Variants in PTPRO observed in about 807,000 individuals in gnomAD.
The protein encoded by PTPRO is receptor-type tyrosine-protein phosphatase O.
Under a neutral mutation model 145.2 loss-of-function variants are expected in PTPRO, and 62 were observed. That is an observed-to-expected ratio of 0.43 (90% CI 0.35 to 0.53). The LOEUF is 0.53. Ranked by LOEUF, PTPRO falls within the 20% of genes least tolerant of loss-of-function variation. The probability of loss-of-function intolerance (pLI) is 0.01; values close to 1 mark genes in which losing one functional copy is unlikely to be tolerated. For synonymous variants in PTPRO, 565 were observed against 514.7 expected (o/e 1.10, Z -1.32); for missense variants, 1,345 against 1,482.7 (o/e 0.91, Z 1.53).
chr12:15,485,432 G>A (rs988312463), intron 2 of PTPRO, among the ~76,000 whole-genome samples: 1 of 152,014 alleles, frequency 6.6e-6, no homozygotes, highest in African/African-American at 2.4e-5. Context: ...GGCACATAAC[G>A]CCTACAATAC....
At chr12:15,564,258 T>C (rs1037136860) in intron 17 of PTPRO, among the ~76,000 whole-genome samples, 1 of 152,226 alleles carries the variant, frequency 6.6e-6, no homozygotes, top group Admixed American at 6.5e-5. Context: ...TTCGTGGACG[T>C]GTTCCTACAT....
intron 1 of PTPRO, among the ~76,000 whole-genome samples, chr12:15,415,069 A>G (rs1225327446): frequency 6.6e-6 from 1 of 152,210 alleles, no homozygotes; most frequent in Non-Finnish European, 1.5e-5. Context: ...GAAATGGGAA[A>G]GAGCTGGCAT....
intron 6 of PTPRO, among the ~76,000 whole-genome samples, chr12:15,505,165 G>A (rs1942296942): frequency 6.6e-6 from 1 of 152,190 alleles, no homozygotes; most frequent in African/African-American, 2.4e-5. Context: ...CACCGCACAT[G>A]TGAACAGCCT....
At chr12:15,457,359 T>A (rs7315300) in intron 1 of PTPRO, among the ~76,000 whole-genome samples, 42,839 of 152,160 alleles carry the variant, frequency 0.28, 6,553 homozygotes, top group South Asian at 0.43. Context: ...CATATATTCA[T>A]GTATCCTATT....
intron 1 of PTPRO, among the ~76,000 whole-genome samples, chr12:15,449,989 C>T (rs1396490074): frequency 6.6e-6 from 1 of 152,180 alleles, no homozygotes; most frequent in Non-Finnish European, 1.5e-5. Flanking sequence ...AGGATCACTT[C>T]CTGTGTGAAA....
chr12:15,466,495 T>G (rs973507395), intron 1 of PTPRO, among the ~76,000 whole-genome samples: 1 of 152,258 alleles, frequency 6.6e-6, no homozygotes, highest in Non-Finnish European at 1.5e-5. Flanking sequence ...GGATTTCTTA[T>G]GTTATTCAGA....
intron 1 of PTPRO, among the ~76,000 whole-genome samples, chr12:15,425,923 T>C (rs1940273478): frequency 1.3e-5 from 2 of 152,102 alleles, no homozygotes; most frequent in South Asian, 4.1e-4. Flanking sequence ...TATATACAAT[T>C]AGTGTCTTAC....
chr12:15,508,151 G>A (rs1173342619), intron 6 of PTPRO, among the ~76,000 whole-genome samples: 2 of 152,152 alleles, frequency 1.3e-5, no homozygotes, highest in African/African-American at 2.4e-5. Context: ...GTTTGCACAG[G>A]GTAGTAGTCG....
chr12:15,432,309 C>A (rs528359861), intron 1 of PTPRO, among the ~76,000 whole-genome samples: 2 of 152,178 alleles, frequency 1.3e-5, no homozygotes, highest in Non-Finnish European at 2.9e-5. Flanking sequence ...CAGCTCCATG[C>A]ATGTCCCTGC....
intron 1 of PTPRO, among the ~76,000 whole-genome samples, chr12:15,404,307 T>C (rs972389129): frequency 6.6e-6 from 1 of 152,150 alleles, no homozygotes; most frequent in East Asian, 1.9e-4. Flanking sequence ...TCTTAAAGTC[T>C]TTGCTAATTT....
intron 1 of PTPRO, among the ~76,000 whole-genome samples, chr12:15,376,198 A>T (rs554927948): frequency 6.6e-6 from 1 of 152,322 alleles, no homozygotes; most frequent in Non-Finnish European, 1.5e-5. Context: ...AACTGTTGTA[A>T]TCAACAAGAG....
At position 15,520,225 on chromosome 12, in the gene PTPRO, T is replaced by C; in HGVS notation, c.1804T>C (p.Trp602Arg). The C allele has an allele frequency of 6.2e-7, 1 of 1,613,864 alleles. No homozygotes were observed. Among genetic ancestry groups the C allele is most frequent in the Non-Finnish European group, 8.5e-7 (1 of 1,179,792 alleles). The stretch of plus-strand genomic sequence containing the variant: ...GAGAATAGCTAATCTGCTGCCAGCA[T>C]GGTACTACAACTTCCGGGTTACCAT... ...SVRIANLLPA[W>R]YYNFRVTMVT... The change falls in exon 10 of 27, where the codon TGG (tryptophan) becomes CGG (arginine). Residue 602 changes from tryptophan (W) to arginine (R), a missense_variant. Coordinates refer to ENST00000281171, the MANE Select transcript of PTPRO (RefSeq NM_030667.3).
intron 1 of PTPRO, among the ~76,000 whole-genome samples, chr12:15,477,450 A>T (rs150456894): frequency 1.4e-4 from 21 of 151,486 alleles, no homozygotes; most frequent in Non-Finnish European, 2.4e-4. Context: ...ATGTATACAT[A>T]TGTAACTAAC....
intron 1 of PTPRO, among the ~76,000 whole-genome samples, chr12:15,424,569 A>T (rs12582984): frequency 0.11 from 16,670 of 152,038 alleles, 942 homozygotes; most frequent in African/African-American, 0.13. Context: ...ACATAGAATG[A>T]TTAAACGAAT....
intron 7 of PTPRO, among the ~76,000 whole-genome samples, chr12:15,513,181 GAAAGAAAGAA>G (rs1942495778): frequency 1.1e-5 from 1 of 87,856 alleles, no homozygotes; most frequent in Non-Finnish European, 2.2e-5. Flanking sequence ...AAGAAAGAAA[GAAAGAAAGAA>G]AGAAAGAAAG....
chr12:15,579,304 T>C (rs992832385), intron 20 of PTPRO, among the ~76,000 whole-genome samples: 1 of 152,220 alleles, frequency 6.6e-6, no homozygotes. Context: ...ATGCAGTATA[T>C]TAAAATGCCT....
chr12:15,360,343 C>G (rs1938135039), intron 1 of PTPRO, among the ~76,000 whole-genome samples: 1 of 152,088 alleles, frequency 6.6e-6, no homozygotes, highest in African/African-American at 2.4e-5. Context: ...GATCTAACAT[C>G]TCTGATTATA....
chr12:15,404,696 C>T (rs1052467785), intron 1 of PTPRO, among the ~76,000 whole-genome samples: 1 of 152,192 alleles, frequency 6.6e-6, no homozygotes, highest in Admixed American at 6.5e-5. Context: ...TTACAAATGA[C>T]TCATGTTTGG....
chr12:15,547,176 C>G (rs547515292), intron 13 of PTPRO, among the ~76,000 whole-genome samples: 2 of 152,114 alleles, frequency 1.3e-5, no homozygotes, highest in South Asian at 2.1e-4. Flanking sequence ...GTCCATTCGA[C>G]CAAGAGAATT....
Sources: gnomAD v4.1 joint callset for allele counts (sites outside exome capture counted in the v4.1 genomes callset) on GRCh38, gnomAD v4.1.1 for gene constraint, MANE v1.5 for transcripts, NCBI Gene and HGNC (gene_info 2026-07-23, HGNC 2026-07-21) for gene names.